The following THBS1 variants were observed in gnomAD, a reference collection of about 807,000 sequenced individuals.
THBS1 encodes the protein thrombospondin 1, also known as thrombospondin-1.
A neutral mutation model predicts 126.1 loss-of-function variants in THBS1; 29 were observed. That is an observed-to-expected ratio of 0.23 (90% CI 0.17 to 0.31). THBS1 has a LOEUF of 0.31. Ranked by LOEUF, THBS1 falls within the 10% of genes least tolerant of loss-of-function variation. The pLI is 1.00. For missense variants in THBS1, 1,198 were observed against 1,545.2 expected, an observed-to-expected ratio of 0.78 and a Z score of 3.77; for synonymous variants, 496 against 577.8, an observed-to-expected ratio of 0.86 and a Z score of 2.03.
In THBS1 at chr15:39,594,200, C is replaced by G; in HGVS notation, c.3365+4C>G. ...GGCCAAAGACGGGTTTCATTAGGTA[C>G]GATCATACTGATTCACTTTCACTTA... On this transcript the variant is annotated splice_donor_region_variant and intron_variant, in intron 20 of 21. Transcript: ENST00000260356. This position sits in a 1 kb window ranked among gnomAD's most constrained non-coding sequence, Gnocchi z 4.4. The G allele has an allele frequency of 6.2e-7, 1 of 1,614,060 alleles. No homozygotes were observed. Among genetic ancestry groups the G allele is most frequent in the Non-Finnish European group, 8.5e-7 (1 of 1,179,952 alleles).
chr15:39,595,447 A>T lies in THBS1; in HGVS notation c.*78A>T. The T allele has an allele frequency of 6.8e-7, 1 of 1,466,240 alleles. No individual in the cohort carries two copies. Among genetic ancestry groups the T allele is most frequent in the South Asian group, 1.6e-5 (1 of 63,854 alleles). The allele number at this position is 1,466,240 out of a possible 1,614,324, so 90.8% of individuals were successfully genotyped here. ...CTTCTGGAACTATGGGCTTGAGAAAACCCCCAGGATCACTTCTCCTTGGCT... is the reference window on the plus strand; with the variant it reads ...CTTCTGGAACTATGGGCTTGAGAAATCCCCCAGGATCACTTCTCCTTGGCT... On this transcript the variant is annotated 3_prime_UTR_variant, in exon 22 of 22. Transcript: ENST00000260356.
intron 7 of THBS1, chr15:39,587,133 T>C (rs1048429722): frequency 1.5e-5 from 6 of 403,488 alleles, no homozygotes; most frequent in African/African-American, 1.2e-4. Flanking sequence ...TTAATTAGCT[T>C]GACGGTGGTA....
Position 39,592,712 on chromosome 15 carries a change from G to A in THBS1, c.2677G>A (p.Ala893Thr), listed in dbSNP as rs1890350046. The change falls in exon 17 of 22, where the codon GCC (alanine) becomes ACC (threonine). Residue 893 changes from alanine to threonine, a missense_variant. Ala to Thr is a moderately conservative substitution (Grantham distance 58). Around this residue, in one of 4 missense-constraint regions of THBS1, gnomAD observed 255 missense variants for 373.9 expected, o/e 0.68. Transcript: ENST00000260356. This position sits in a 1 kb window ranked among gnomAD's most constrained non-coding sequence, Gnocchi z 4.3. ...ADHDKDGKGD[A>T]CDHDDDNDGI... ...CCATGACAAAGATGGCAAGGGAGAT[G>A]CCTGTGACCACGATGATGACAACGA... is the stretch of plus-strand genomic sequence containing the variant. The A allele has an allele frequency of 6.2e-7, 1 of 1,614,222 alleles. No individual in the cohort carries two copies. The highest frequency in any genetic ancestry group is 8.5e-7 in the Non-Finnish European group (1 of 1,180,034).
intron 7 of THBS1, among the ~76,000 whole-genome samples, chr15:39,585,831 GAA>G (rs1368522104): frequency 1.3e-5 from 2 of 152,192 alleles, no homozygotes; most frequent in Non-Finnish European, 2.9e-5. Context: ...TTGCTTTGAG[GAA>G]AAGAGATGAA....
rs772936858 is a variant in THBS1, at chr15:39,591,279, A to G, written c.2342A>G (p.His781Arg). 9 of 1,614,234 alleles carry G rather than the reference A, an allele frequency of 5.6e-6. No homozygotes were observed. The highest frequency in any genetic ancestry group is 7.6e-6 in the Non-Finnish European group (9 of 1,180,036). ...CGCTGTGACAACTGTCCCTACAACC[A>G]CAACCCAGATCAGGCAGACACAGAC... ...GDRCDNCPYN[H>R]NPDQADTDNN... Residue 781 changes from histidine (H) to arginine (R), a missense_variant, in exon 15 of 22, where the codon CAC becomes CGC. Physicochemically the swap from His to Arg is conservative, Grantham distance 29 (BLOSUM62 0). Transcript: ENST00000260356.
intron 8 of THBS1, 59 bp downstream of exon 8, chr15:39,587,579 A>T: frequency 6.6e-7 from 1 of 1,512,504 alleles, no homozygotes; most frequent in Non-Finnish European, 8.9e-7. Flanking sequence ...TGTCGTCACC[A>T]AGGGCAGCTC....
In THBS1 at chr15:39,597,454, AATTTAT is replaced by A. The variant is rs1890494993; in HGVS notation, c.*2093_*2098del. On this transcript the variant is annotated 3_prime_UTR_variant, in exon 22 of 22. Transcript: ENST00000260356. ...AAGGAACAACAATAAATCATATGGA[AATTTAT>A]ATTTATACTTACTGTATCCATGCTT... 1 of 151,854 alleles carries A rather than the reference AATTTAT, an allele frequency of 6.6e-6. No individual in the cohort carries two copies. Among genetic ancestry groups the A allele is most frequent in the East Asian group, 1.9e-4 (1 of 5,196 alleles). The allele number at this position is 151,854 out of a possible 1,614,324, so 9.4% of individuals were successfully genotyped here. A position where few individuals can be genotyped will look rare whatever the true frequency, so the allele number is the denominator to read the frequency against.
At chr15:39,585,592 TTCAGTGACTAGG>T (rs768393165) in intron 7 of THBS1, 29 bp downstream of exon 7, 31 of 1,602,212 alleles carry the variant, frequency 1.9e-5, no homozygotes, top group Non-Finnish European at 2.6e-5. Context: ...ATAGCTATTC[TTCAGTGACTAGG>T]TCAGTTCTAC....
In THBS1 at chr15:39,584,125, G is replaced by A. The variant is rs1218839059; in HGVS notation, c.841G>A (p.Val281Ile). The A allele has an allele frequency of 6.2e-7, 1 of 1,614,204 alleles. No homozygotes were observed. The highest frequency in any genetic ancestry group is 1.7e-5 in the Admixed American group (1 of 60,032). Reference protein sequence around the residue: ...GISCDELSSMVLELRGLRTIV... With the variant: ...GISCDELSSMILELRGLRTIV... ...CTCCTGTGATGAGCTGTCCAGCATGGTCCTGGAACTCAGGGGCCTGCGCAC... is the reference window on the plus strand; with the variant it reads ...CTCCTGTGATGAGCTGTCCAGCATGATCCTGGAACTCAGGGGCCTGCGCAC... The change falls in exon 5 of 22, where the codon GTC (valine) becomes ATC (isoleucine). Residue 281 changes from valine (V) to isoleucine (I), a missense_variant. Val to Ile is a conservative substitution (Grantham distance 29, BLOSUM62 3). This residue lies in a region of THBS1 where 663 missense variants were observed against 860.1 expected (regional missense o/e 0.77). Transcript: ENST00000260356.
In THBS1 at chr15:39,592,519, A is replaced by G; in HGVS notation, c.2533-49A>G. 6.8e-7 allele frequency: 1 copy of G among 1,475,334 alleles called. No homozygotes were observed. Among genetic ancestry groups the G allele is most frequent in the Non-Finnish European group, 9.2e-7 (1 of 1,084,206 alleles). The allele number at this position is 1,475,334 out of a possible 1,614,324, so 91.4% of individuals were successfully genotyped here. A position where few individuals can be genotyped will look rare whatever the true frequency, so the allele number is the denominator to read the frequency against. On this transcript the variant is annotated intron_variant, in intron 16 of 21. Transcript: ENST00000260356. This position sits in a 1 kb window ranked among gnomAD's most constrained non-coding sequence, Gnocchi z 4.3. ...GGTGGGGGCATAAGTTATCTTTAAC[A>G]TGAATGGTTTATACTGCAATTTACC...
chr15:39,582,614 C>G lies in THBS1; in HGVS notation c.489C>G (p.Asp163Glu). 2 of 1,614,122 alleles carry G rather than the reference C, an allele frequency of 1.2e-6. No homozygotes were observed. The highest frequency in any genetic ancestry group is 1.7e-6 in the Non-Finnish European group (2 of 1,180,042). ...WKSITLFVQE[D>E]RAQLYIDCEK... The stretch of plus-strand genomic sequence containing the variant: ...GCATCACCCTGTTTGTGCAGGAAGA[C>G]AGGGCCCAGCTGTACATCGACTGTG... Residue 163 changes from aspartate (D) to glutamate (E), a missense_variant, in exon 3 of 22, where the codon GAC (aspartate) becomes GAG (glutamate). By Grantham distance (45) the Asp-to-Glu change is conservative. Coordinates refer to ENST00000260356, the MANE Select transcript of THBS1 (RefSeq NM_003246.4).
In THBS1 at chr15:39,588,061, G is replaced by A; in HGVS notation, c.1314G>A (p.Trp438Ter). The A allele has an allele frequency of 6.2e-7, 1 of 1,614,092 alleles. No homozygotes were observed. Among genetic ancestry groups the A allele is most frequent in the Non-Finnish European group, 8.5e-7 (1 of 1,179,984 alleles). ...CDKRFKQDGGWSHWSPWSSCS... is the reference protein window; with the variant it reads ...CDKRFKQDGG ...CTTTAGTTAAACAGGATGGTGGCTG[G>A]AGCCACTGGTCCCCGTGGTCATCTT... The change falls in exon 9 of 22, where the codon TGG (tryptophan) becomes TGA (stop). Residue 438 changes from tryptophan (W) to a stop codon, truncating the protein, a stop_gained. Coordinates refer to ENST00000260356, the MANE Select transcript of THBS1 (RefSeq NM_003246.4). LOFTEE classifies it high-confidence loss of function.
chr15:39,593,949 C>A lies in THBS1; in HGVS notation c.3268-150C>A. 2 of 940,988 alleles carry A rather than the reference C, an allele frequency of 2.1e-6. No homozygotes were observed. Among genetic ancestry groups the A allele is most frequent in the Non-Finnish European group, 3.1e-6 (2 of 640,492 alleles). 58.3% of individuals were successfully genotyped at this position (940,988 alleles called of 1,614,324 possible). A position where few individuals can be genotyped will look rare whatever the true frequency, so the allele number is the denominator to read the frequency against. ...TATATGTGTGCTCAGTGGCACACAA[C>A]AAATATGAGAGGACTTGGAAAAATT... On this transcript the variant is annotated intron_variant, in intron 19 of 21. Transcript: ENST00000260356. This position sits in a 1 kb window ranked among gnomAD's most constrained non-coding sequence, Gnocchi z 5.9.
At chr15:39,585,095 TC>T (rs986626121) in intron 6 of THBS1, among the ~76,000 whole-genome samples, 1 of 151,632 alleles carries the variant, frequency 6.6e-6, no homozygotes, top group Non-Finnish European at 1.5e-5. Context: ...TCTTCCTTCC[TC>T]CCCCCAAACA....
At position 39,582,665 on chromosome 15, in the gene THBS1, C is replaced by A; in HGVS notation, c.540C>A (p.Asp180Glu). Residue 180 changes from aspartate to glutamate, a missense_variant, in exon 3 of 22, where the codon GAC becomes GAA. Coordinates refer to ENST00000260356, the MANE Select transcript of THBS1 (RefSeq NM_003246.4). ...AAAAGATGGAGAATGCTGAGTTGGA[C>A]GTCCCCATCCAAAGCGTCTTCACCA... ...DCEKMENAEL[D>E]VPIQSVFTRD... 3 of 1,613,690 alleles carry A rather than the reference C, an allele frequency of 1.9e-6. No individual in the cohort carries two copies. Among genetic ancestry groups the A allele is most frequent in the Non-Finnish European group, 1.7e-6 (2 of 1,180,042 alleles).
Position 39,581,879 on chromosome 15 carries a change from G to C in THBS1, c.22G>C (p.Gly8Arg). 1 of 1,614,096 alleles carries C rather than the reference G, an allele frequency of 6.2e-7. No individual in the cohort carries two copies. The highest frequency in any genetic ancestry group is 8.5e-7 in the Non-Finnish European group (1 of 1,180,008). Residue 8 changes from glycine (G) to arginine (R), a missense_variant, in exon 2 of 22, where the codon GGC becomes CGC. Gly to Arg is a moderately radical substitution (Grantham distance 125). Transcript: ENST00000260356. ...CACCATGGGGCTGGCCTGGGGACTA[G>C]GCGTCCTGTTCCTGATGCATGTGTG... The part of the protein sequence containing the change: MGLAWGL[G>R]VLFLMHVCGT...
In THBS1 at chr15:39,592,876, G is replaced by C; in HGVS notation, c.2767+74G>C. ...TGTAGATTGAAGAAATGAAACCAAG[G>C]CTCAAAGCATTTGACAGGATGAAGG... On this transcript the variant is annotated intron_variant, in intron 17 of 21. Coordinates refer to ENST00000260356, the MANE Select transcript of THBS1 (RefSeq NM_003246.4). This position sits in a 1 kb window ranked among gnomAD's most constrained non-coding sequence, Gnocchi z 4.3. The C allele has an allele frequency of 1.9e-6, 3 of 1,554,488 alleles. No homozygotes were observed. Among genetic ancestry groups the C allele is most frequent in the Non-Finnish European group, 2.6e-6 (3 of 1,139,484 alleles).
chr15:39,591,115 TA>T lies in THBS1; in HGVS notation c.2254-75del, dbSNP rs1420067779. On this transcript the variant is annotated intron_variant, in intron 14 of 21. Transcript: ENST00000260356. ...TTGCTGATTTTCACAGTTTTAGACA[TA>T]TTATGCACATGGTTTGAGGCTTGAG... is the stretch of plus-strand genomic sequence containing the variant. 1.1e-4 allele frequency: 171 copies of T among 1,507,894 alleles called. 1 individual carries two copies. Among genetic ancestry groups the T allele is most frequent in the Middle Eastern group, 1.7e-4 (1 of 5,730 alleles). 93.4% of individuals were successfully genotyped at this position (1,507,894 alleles called of 1,614,324 possible). A position where few individuals can be genotyped will look rare whatever the true frequency, so the allele number is the denominator to read the frequency against.
rs2140354731 is a variant in THBS1, at chr15:39,598,015, G to A, written c.*2646G>A. 1 of 152,208 alleles carries A rather than the reference G, an allele frequency of 6.6e-6. No homozygotes were observed. Among genetic ancestry groups the A allele is most frequent in the South Asian group, 2.1e-4 (1 of 4,820 alleles). The allele number at this position is 152,208 out of a possible 1,614,324, so 9.4% of individuals were successfully genotyped here. A position where few individuals can be genotyped will look rare whatever the true frequency, so the allele number is the denominator to read the frequency against. ...AATAATAAGTTTAATCAAAAAAGAA[G>A]ACTAAAAAATGTAAAATTTGGAAGG... On this transcript the variant is annotated 3_prime_UTR_variant, in exon 22 of 22. Coordinates refer to ENST00000260356, the MANE Select transcript of THBS1 (RefSeq NM_003246.4).
Sources: gnomAD v4.1 joint callset for allele counts (sites outside exome capture counted in the v4.1 genomes callset) on GRCh38, gnomAD v4.1.1 for gene constraint, gnomAD v4.1.1 regional missense constraint, Gnocchi (gnomAD v3.1) non-coding constraint, MANE v1.5 for transcripts, NCBI Gene and HGNC (gene_info 2026-07-23, HGNC 2026-07-21) for gene names.